COG1: variants seen among roughly 807,000 people sequenced by gnomAD.
COG1 encodes the protein conserved oligomeric Golgi complex subunit 1.
COG1 carries 61 observed loss-of-function variants against 102.2 expected under a neutral mutation model. That is an observed-to-expected ratio of 0.60 (90% CI 0.49 to 0.74). The LOEUF (loss-of-function observed/expected upper bound fraction) is 0.74, where lower values mean the gene tolerates loss of function less well. Among genes scored for constraint, COG1 ranks in the 30% least tolerant of loss-of-function variants. The probability of loss-of-function intolerance (pLI) is 0.00; values close to 1 mark genes in which losing one functional copy is unlikely to be tolerated. For missense variants in COG1, 1,164 were observed against 1,232.1 expected (o/e 0.94, Z 0.83); for synonymous variants, 454 against 493.6 (o/e 0.92, Z 1.06).
At chr17:73,207,106 A>AG in intron 12 of COG1, 75 bp from the exon 13 acceptor site, 7 of 1,267,526 alleles carry the variant, frequency 5.5e-6, no homozygotes, top group South Asian at 4.0e-5. Flanking sequence ...AAAAAAAAAA[A>AG]AAAAAAAATG....
chr17:73,208,474 C>T lies in COG1; in HGVS notation c.*23C>T, dbSNP rs377500201. 3 of 1,612,252 alleles carry T rather than the reference C, an allele frequency of 1.9e-6. No individual in the cohort carries two copies. Among genetic ancestry groups the T allele is most frequent in the Non-Finnish European group, 1.7e-6 (2 of 1,178,826 alleles). Reference sequence around the variant, plus strand: ...TAACATGGCAACACATCTGTCTCTCCCTAAATAAATACTACCACATTATTT... The same window carrying T: ...TAACATGGCAACACATCTGTCTCTCTCTAAATAAATACTACCACATTATTT... On this transcript the variant is annotated 3_prime_UTR_variant, in exon 14 of 14. Coordinates refer to ENST00000299886, the MANE Select transcript of COG1 (RefSeq NM_018714.3).
At chr17:73,205,998 A>G in intron 10 of COG1, 156 bp from the exon 11 acceptor site, 1 of 726,026 alleles carries the variant, frequency 1.4e-6, no homozygotes, top group Non-Finnish European at 2.4e-6. Flanking sequence ...ATCATGCTTG[A>G]GGGTGACTTA....
chr17:73,193,664 GCTC>G (rs776511882), intron 1 of COG1, among the ~76,000 whole-genome samples: 59 of 152,270 alleles, frequency 3.9e-4, no homozygotes, highest in Middle Eastern at 3.4e-3. Flanking sequence ...ACCTCACTGG[GCTC>G]CTTTCAATTT....
chr17:73,204,409 G>A (rs1599329679), intron 9 of COG1, among the ~76,000 whole-genome samples: 1 of 151,604 alleles, frequency 6.6e-6, no homozygotes, highest in African/African-American at 2.4e-5. Context: ...TGACTGTGGG[G>A]AGTTAGAGAG....
chr17:73,194,769 TAAAGA>T (rs2061319163), intron 1 of COG1, among the ~76,000 whole-genome samples: 1 of 152,172 alleles, frequency 6.6e-6, no homozygotes, highest in South Asian at 2.1e-4. Flanking sequence ...CACGGCCCCT[TAAAGA>T]ATATAGACCT....
In COG1 at chr17:73,206,693, C is replaced by T; in HGVS notation, c.2620-15C>T. 6.4e-7 allele frequency: 1 copy of T among 1,567,198 alleles called. No individual in the cohort carries two copies. The highest frequency in any genetic ancestry group is 8.8e-7 in the Non-Finnish European group (1 of 1,139,148). On this transcript the variant is annotated splice_polypyrimidine_tract_variant and intron_variant, in intron 11 of 13. Transcript: ENST00000299886. ...CCTGCACAATGAAACCTCTGCTCCA[C>T]CTCTTGTCTGCCAGGTTCTGTTTGG...
In COG1 at chr17:73,206,156, T is replaced by C. The variant is rs1429792773; in HGVS notation, c.2513T>C (p.Ile838Thr). 13 of 1,609,034 alleles carry C rather than the reference T, an allele frequency of 8.1e-6. No individual in the cohort carries two copies. In the East Asian group the frequency reaches 1.1e-4, roughly 14 times the overall value. Residue 838 changes from isoleucine to threonine, a missense_variant and splice_region_variant, in exon 11 of 14, where the codon ATT (isoleucine) becomes ACT (threonine). Ile to Thr is a moderately conservative substitution (Grantham distance 89). Transcript: ENST00000299886. ...KSGRSKPDSR[I>T]EKVTDHLEAL... Reference sequence around the variant, plus strand: ...AATGATCCTAATCCTTTTCTCAGAATTGAGAAAGTGACTGACCACCTGGAA... The same window carrying C: ...AATGATCCTAATCCTTTTCTCAGAACTGAGAAAGTGACTGACCACCTGGAA...
chr17:73,201,846 A>T lies in COG1; in HGVS notation c.2019A>T (p.Val673=), dbSNP rs1568297140. ...TQAKWQEVKE[V]LLQQSVMGYQ... is the part of the protein sequence containing the mutation. ...CCAAGTGGCAAGAGGTTAAAGAAGT[A>T]CTCCTCCAGCAGAGCGTGATGGGCT... The change falls in exon 7 of 14, where the codon GTA becomes GTT. Residue 673 remains valine (V), a synonymous_variant. Transcript: ENST00000299886. 68 of 1,613,916 alleles carry T rather than the reference A, an allele frequency of 4.2e-5. No homozygotes were observed. Among genetic ancestry groups the T allele is most frequent in the Non-Finnish European group, 5.6e-5 (66 of 1,180,010 alleles).
rs776615420 is a variant in COG1, at chr17:73,201,130, G to C, written c.1303G>C (p.Asp435His). 1.1e-5 allele frequency: 18 copies of C among 1,614,152 alleles called. No homozygotes were observed. Among genetic ancestry groups the C allele is most frequent in the Non-Finnish European group, 1.4e-5 (17 of 1,180,024 alleles). The change falls in exon 7 of 14, where the codon GAC becomes CAC. Residue 435 changes from aspartate to histidine, a missense_variant. By Grantham distance (81) the Asp-to-His change is moderately conservative. Transcript: ENST00000299886. The part of the protein sequence containing the change: ...RLQTLTKEGF[D>H]SISSSSKELL... ...TTAGACTCTGACAAAAGAAGGCTTT[G>C]ACTCCATCTCCAGTAGCTCCAAGGA...
chr17:73,207,429 C>T (rs2061382991), intron 13 of COG1, 173 bp downstream of exon 13: 3 of 745,122 alleles, frequency 4.0e-6, no homozygotes, highest in East Asian at 2.7e-5. Context: ...GCTTGAGCTA[C>T]TAGAAGGTGT....
rs2061344947 is a variant in COG1 at position 73,201,092 on chromosome 17, C to G, written c.1282-17C>G. On this transcript the variant is annotated splice_polypyrimidine_tract_variant and intron_variant, in intron 6 of 13. Transcript: ENST00000299886. Reference sequence around the variant, plus strand: ...TAAAGGAACTGTGATTAGAACTCTTCTCTCATTCTCTTTTAGACTCTGACA... The same window carrying G: ...TAAAGGAACTGTGATTAGAACTCTTGTCTCATTCTCTTTTAGACTCTGACA... The G allele has an allele frequency of 6.2e-7, 1 of 1,609,018 alleles. No homozygotes were observed.
chr17:73,197,111 C>A, intron 3 of COG1, 30 bp downstream of exon 3: 1 of 1,613,844 alleles, frequency 6.2e-7, no homozygotes, highest in South Asian at 1.1e-5. Context: ...AACATTTGGT[C>A]CTTAAATATG....
Position 73,207,166 on chromosome 17 carries a change from C to G in COG1, c.2730-15C>G. 6.2e-7 allele frequency: 1 copy of G among 1,606,498 alleles called. No homozygotes were observed. The highest frequency in any genetic ancestry group is 8.5e-7 in the Non-Finnish European group (1 of 1,176,082). Reference sequence around the variant, plus strand: ...GCCTGTTTGTGCTACTAAATTCTTTCCTCTTGTTTTGGAGGTTTGGACTTC... The same window carrying G: ...GCCTGTTTGTGCTACTAAATTCTTTGCTCTTGTTTTGGAGGTTTGGACTTC... On this transcript the variant is annotated splice_polypyrimidine_tract_variant and intron_variant, in intron 12 of 13. Coordinates refer to ENST00000299886, the MANE Select transcript of COG1 (RefSeq NM_018714.3).
intron 7 of COG1, 146 bp from the exon 8 acceptor site, chr17:73,202,854 T>C (rs1220044019): frequency 1.2e-6 from 1 of 854,328 alleles, no homozygotes; most frequent in Non-Finnish European, 2.0e-6. Context: ...CTGATATCAT[T>C]GATAATTAGC....
In COG1 at chr17:73,200,632, C is replaced by T. The variant is rs755774467; in HGVS notation, c.1137C>T (p.Leu379=). The change falls in exon 6 of 14, where the codon CTC becomes CTT. Residue 379 remains leucine (L), a synonymous_variant. Transcript: ENST00000299886. Reference sequence around the variant, plus strand: ...TGTACGTGAAGAGCATGAAGGGTCTCGCGGGAATCCGGGACGCCATGTGGG... The same window carrying T: ...TGTACGTGAAGAGCATGAAGGGTCTTGCGGGAATCCGGGACGCCATGTGGG... ...LLMYVKSMKG[L]AGIRDAMWEL... 11 of 1,614,150 alleles carry T rather than the reference C, an allele frequency of 6.8e-6. No homozygotes were observed. The highest frequency in any genetic ancestry group is 1.1e-5 in the South Asian group (1 of 91,074).
Position 73,203,613 on chromosome 17 carries a change from C to A in COG1, c.2221-19C>A. 1 of 1,614,088 alleles carries A rather than the reference C, an allele frequency of 6.2e-7. No homozygotes were observed. The highest frequency in any genetic ancestry group is 1.7e-5 in the Admixed American group (1 of 60,014). On this transcript the variant is annotated intron_variant, in intron 8 of 13. Transcript: ENST00000299886. ...TAATTGGTGCAAGTTGGCAATGTGA[C>A]ATTTCTTTGTTCTTTTAGCCGTCCT... is the stretch of plus-strand genomic sequence containing the variant.
At position 73,201,192 on chromosome 17, in the gene COG1, C is replaced by T. The variant is rs745305711; in HGVS notation, c.1365C>T (p.Ser455=). The T allele has an allele frequency of 1.2e-6, 2 of 1,614,176 alleles. No homozygotes were observed. The highest frequency in any genetic ancestry group is 1.7e-6 in the Non-Finnish European group (2 of 1,180,012). ...LVSALQELES[S]TSNSPSNKHI... ...CAGCTTTGCAGGAACTTGAAAGCAG[C>T]ACCAGCAACTCCCCTTCAAATAAGC... Residue 455 remains serine, a synonymous_variant, in exon 7 of 14, where the codon AGC becomes AGT. Transcript: ENST00000299886.
chr17:73,203,325 C>A, intron 8 of COG1, 179 bp downstream of exon 8: 1 of 827,394 alleles, frequency 1.2e-6, no homozygotes, highest in South Asian at 1.6e-5. Flanking sequence ...TTCAAGAAGT[C>A]AGTTAACCAT....
intron 1 of COG1, among the ~76,000 whole-genome samples, 179 bp from the exon 2 acceptor site, chr17:73,196,328 A>C (rs1408942061): frequency 2.6e-5 from 4 of 152,134 alleles, no homozygotes; most frequent in African/African-American, 4.8e-5. Context: ...GGATCTTACA[A>C]CACTCCTGAC....
Sources: gnomAD v4.1 joint callset for allele counts (sites outside exome capture counted in the v4.1 genomes callset) on GRCh38, gnomAD v4.1.1 for gene constraint, MANE v1.5 for transcripts, NCBI Gene and HGNC (gene_info 2026-07-23, HGNC 2026-07-21) for gene names.